The following RAB6B variants were observed in gnomAD, a reference collection of about 807,000 sequenced individuals.
RAB6B encodes ras-related protein Rab-6B.
A neutral mutation model predicts 31.2 loss-of-function variants in RAB6B; 7 were observed. The observed-to-expected ratio is 0.22, with a 90% CI of 0.13 to 0.42. The LOEUF is 0.42. RAB6B is among the 10% of genes least tolerant of loss of function. The pLI, the probability that RAB6B is intolerant of heterozygous loss-of-function variation, is 1.00. For synonymous variants in RAB6B, 105 were observed against 104.9 expected, an observed-to-expected ratio of 1.00 and a Z score of -0.01; for missense variants, 149 against 280.6, an observed-to-expected ratio of 0.53 and a Z score of 3.35.
rs148800160 is a variant in RAB6B at position 133,891,671 on chromosome 3, GAGA to G, written c.70+3723_70+3725del. Among the ~76,000 whole-genome samples the G allele has an allele frequency of 3.0e-3, 459 of 152,324 alleles. 1 individual carries two copies. Among genetic ancestry groups the G allele is most frequent in the African/African-American group, 0.011 (445 of 41,576 alleles). On this transcript the variant is annotated intron_variant, in intron 1 of 7. Coordinates refer to ENST00000285208, the MANE Select transcript of RAB6B (RefSeq NM_016577.4). Reference sequence around the variant, plus strand: ...CAGATAATGGAGGGAGGACAGGAGAGAGAAGGAGTGGGACGGAAGGATACATGA... The same window carrying G: ...CAGATAATGGAGGGAGGACAGGAGAGAGGAGTGGGACGGAAGGATACATGA...
intron 2 of RAB6B, among the ~76,000 whole-genome samples, chr3:133,843,783 T>C (rs1050718586): frequency 6.6e-6 from 1 of 152,150 alleles, no homozygotes; most frequent in East Asian, 1.9e-4. Flanking sequence ...CCTCTGTGGG[T>C]AGGGAGTACC....
At chr3:133,869,548 T>C (rs1443267301) in intron 1 of RAB6B, among the ~76,000 whole-genome samples, 2 of 152,248 alleles carry the variant, frequency 1.3e-5, no homozygotes, top group African/African-American at 4.8e-5. Context: ...ATAATTTCCA[T>C]AGTGGGCTCA....
At chr3:133,852,386 T>G (rs1456564636) in intron 2 of RAB6B, among the ~76,000 whole-genome samples, 4 of 152,128 alleles carry the variant, frequency 2.6e-5, no homozygotes, top group African/African-American at 7.2e-5. Flanking sequence ...ATCTTGCTGG[T>G]AACACTGTCA....
chr3:133,869,936 G>A (rs375954791), intron 1 of RAB6B, among the ~76,000 whole-genome samples: 2 of 152,158 alleles, frequency 1.3e-5, no homozygotes, highest in African/African-American at 4.8e-5. Flanking sequence ...CTACAAATTC[G>A]TGAGCGATGT....
At chr3:133,885,521 G>A (rs1936534061) in intron 1 of RAB6B, 1 of 702,956 alleles carries the variant, frequency 1.4e-6, no homozygotes, top group Non-Finnish European at 2.6e-6. Context: ...CAGAGGATAG[G>A]GGAGCTCACA....
chr3:133,884,692 C>G (rs1936514957), intron 1 of RAB6B, among the ~76,000 whole-genome samples: 1 of 150,804 alleles, frequency 6.6e-6, no homozygotes, highest in Non-Finnish European at 1.5e-5. Context: ...GACGGGGGTG[C>G]TCACACACCC....
intron 2 of RAB6B, 141 bp downstream of exon 2, chr3:133,864,443 G>T: frequency 1.2e-6 from 1 of 804,710 alleles, no homozygotes; most frequent in Non-Finnish European, 2.2e-6. Context: ...GATGGGGCCA[G>T]TATAGAGGTG....
chr3:133,875,195 G>C (rs1025093598), intron 1 of RAB6B, among the ~76,000 whole-genome samples: 11 of 152,170 alleles, frequency 7.2e-5, no homozygotes, highest in Non-Finnish European at 2.9e-5. Context: ...TTGCTATGCA[G>C]CACATGACTA....
chr3:133,841,474 G>T, intron 3 of RAB6B, 84 bp from the exon 4 acceptor site: 1 of 1,538,734 alleles, frequency 6.5e-7, no homozygotes, highest in Non-Finnish European at 9.0e-7. Context: ...GGAGAGCCGG[G>T]CTCTGCAATG....
rs542457746 is a variant in RAB6B at position 133,827,612 on chromosome 3, A to G, written c.*1176T>C. ...ACAGTAGCCACAAAGATATGTCCAC[A>G]AAGACTTCAACTGCGCCATGCCACT... On this transcript the variant is annotated 3_prime_UTR_variant, in exon 8 of 8. Coordinates refer to ENST00000285208, the MANE Select transcript of RAB6B (RefSeq NM_016577.4). The G allele has an allele frequency of 1.1e-5, 5 of 444,002 alleles. No individual in the cohort carries two copies. In the South Asian group the frequency reaches 1.6e-4, roughly 14 times the overall value. 27.5% of individuals were successfully genotyped at this position (444,002 alleles called of 1,614,324 possible).
chr3:133,886,752 T>C (rs1317664142), intron 1 of RAB6B, among the ~76,000 whole-genome samples: 4 of 152,190 alleles, frequency 2.6e-5, no homozygotes, highest in Admixed American at 6.5e-5. Flanking sequence ...GCACCCTACT[T>C]CTGCAATGAG....
chr3:133,869,940 G>A (rs1464373157), intron 1 of RAB6B, among the ~76,000 whole-genome samples: 1 of 152,184 alleles, frequency 6.6e-6, no homozygotes, highest in Admixed American at 6.5e-5. Context: ...AAATTCGTGA[G>A]CGATGTAAAT....
At chr3:133,884,576 C>T (rs1353726167) in intron 1 of RAB6B, among the ~76,000 whole-genome samples, 3 of 152,178 alleles carry the variant, frequency 2.0e-5, no homozygotes, top group Non-Finnish European at 4.4e-5. Flanking sequence ...TCCAAGAAAG[C>T]AAAGGAAGTG....
chr3:133,834,956 TG>T (rs1011997318), intron 6 of RAB6B, among the ~76,000 whole-genome samples: 2 of 152,228 alleles, frequency 1.3e-5, no homozygotes, highest in African/African-American at 2.4e-5. Flanking sequence ...GGACTTCCTC[TG>T]GTGCAGAAAA....
At chr3:133,850,809 A>T (rs1274278381) in intron 2 of RAB6B, among the ~76,000 whole-genome samples, 1 of 152,160 alleles carries the variant, frequency 6.6e-6, no homozygotes. Flanking sequence ...ATCCAACTCC[A>T]AGCATTACAT....
intron 1 of RAB6B, among the ~76,000 whole-genome samples, chr3:133,873,251 A>G (rs1936350334): frequency 6.6e-6 from 1 of 152,244 alleles, no homozygotes; most frequent in African/African-American, 2.4e-5. Context: ...GAGTGTTCCC[A>G]GGATGGCTGG....
At chr3:133,864,771 G>A in intron 1 of RAB6B, 129 bp from the exon 2 acceptor site, 2 of 899,994 alleles carry the variant, frequency 2.2e-6, no homozygotes, top group Non-Finnish European at 3.6e-6. Flanking sequence ...CAGAAATACA[G>A]AAGTGGGAGA....
intron 2 of RAB6B, among the ~76,000 whole-genome samples, chr3:133,857,614 T>A (rs9815265): frequency 2.6e-5 from 4 of 152,024 alleles, no homozygotes; most frequent in African/African-American, 9.7e-5. Context: ...GCCTCCGTTC[T>A]ACATTCCATT....
rs901161170 is a variant in RAB6B at position 133,895,785 on chromosome 3, G to A, written c.-319C>T. 20 of 351,384 alleles carry A rather than the reference G, an allele frequency of 5.7e-5. No individual in the cohort carries two copies. The highest frequency in any genetic ancestry group is 4.4e-4 in the East Asian group (9 of 20,362). 21.8% of individuals were successfully genotyped at this position (351,384 alleles called of 1,614,324 possible). A position where few individuals can be genotyped will look rare whatever the true frequency, so the allele number is the denominator to read the frequency against. ...GCTGGGAGAGAGGCGCGGGCGGAGC[G>A]GGGCGCAGGGACGGCGCGCGGGGCG... is the stretch of plus-strand genomic sequence containing the variant. On this transcript the variant is annotated 5_prime_UTR_variant, in exon 1 of 8. Coordinates refer to ENST00000285208, the MANE Select transcript of RAB6B (RefSeq NM_016577.4).
Sources: allele counts gnomAD v4.1 joint callset (sites outside exome capture counted in the v4.1 genomes callset), GRCh38; gene constraint gnomAD v4.1.1; transcripts MANE v1.5; gene names NCBI Gene and HGNC (gene_info 2026-07-23, HGNC 2026-07-21).